The following TACC2 variants were observed in gnomAD, a reference collection of about 807,000 sequenced individuals.
TACC2 encodes the protein transforming acidic coiled-coil containing protein 2.
TACC2 carries 137 observed loss-of-function variants against 227.3 expected under a neutral mutation model. That is an observed-to-expected ratio of 0.60 (90% CI 0.52 to 0.69). The LOEUF is 0.69. Among genes scored for constraint, TACC2 ranks in the 30% least tolerant of loss-of-function variants. The pLI, the probability that TACC2 is intolerant of heterozygous loss-of-function variation, is 0.00. For synonymous variants in TACC2, 1,523 were observed against 1,487.5 expected, an observed-to-expected ratio of 1.02 and a Z score of -0.55; for missense variants, 3,470 against 3,694.4, an observed-to-expected ratio of 0.94 and a Z score of 1.57.
At chr10:122,196,575 C>A (rs2094572847) in intron 8 of TACC2, among the ~76,000 whole-genome samples, 1 of 152,164 alleles carries the variant, frequency 6.6e-6, no homozygotes, top group Admixed American at 6.5e-5. Flanking sequence ...TATGACCAAG[C>A]ATATAAAACT....
chr10:122,182,423 C>T (rs1002990910), intron 7 of TACC2, among the ~76,000 whole-genome samples: 1 of 152,122 alleles, frequency 6.6e-6, no homozygotes, highest in African/African-American at 2.4e-5. Flanking sequence ...GAGCTCACCA[C>T]GATTTCTGAG....
chr10:122,086,848 A>G lies in TACC2; in HGVS notation c.4348A>G (p.Lys1450Glu). Reference sequence around the variant, plus strand: ...CCTCACCAGGCCATTGGGCCCAGAGAAGCTTCTAGATGGGCCTCCAGGAGT... The same window carrying G: ...CCTCACCAGGCCATTGGGCCCAGAGGAGCTTCTAGATGGGCCTCCAGGAGT... ...KDLTRPLGPE[K>E]LLDGPPGVDV... Residue 1450 changes from lysine (K) to glutamate (E), a missense_variant, in exon 4 of 23, where the codon AAG (lysine) becomes GAG (glutamate). Lys to Glu is a moderately conservative substitution (Grantham distance 56). Around this residue, in one of 10 missense-constraint regions of TACC2, gnomAD observed 1,924 missense variants for 1,978.3 expected, o/e 0.97. Coordinates refer to ENST00000369005, the MANE Select transcript of TACC2 (RefSeq NM_206862.4). The G allele has an allele frequency of 1.2e-6, 2 of 1,613,960 alleles. No individual in the cohort carries two copies. The highest frequency in any genetic ancestry group is 1.7e-6 in the Non-Finnish European group (2 of 1,179,988).
At position 122,069,099 on chromosome 10, in the gene TACC2, C is replaced by T. The variant is rs58637670; in HGVS notation, c.147-13548C>T. 5.8e-3 allele frequency among the ~76,000 whole-genome samples: 883 copies of T among 152,236 alleles called. 13 individuals are homozygous for T. The highest frequency in any genetic ancestry group is 0.02 in the African/African-American group (847 of 41,550). ...TATTCTACTCTGGGAACTGCAGCTG[C>T]CTCGGTCTCCCCAGATACACAGCTT... On this transcript the variant is annotated intron_variant, in intron 3 of 22. Transcript: ENST00000369005.
At chr10:122,212,205 G>C (rs901140188) in intron 9 of TACC2, among the ~76,000 whole-genome samples, 5 of 152,244 alleles carry the variant, frequency 3.3e-5, no homozygotes, top group Non-Finnish European at 7.3e-5. Flanking sequence ...AGGAATGAGA[G>C]ATGTGGCCTG....
rs148904467 is a variant in TACC2 at position 122,084,008 on chromosome 10, C to A, written c.1508C>A (p.Thr503Lys). The change falls in exon 4 of 23, where the codon ACG becomes AAG. Residue 503 changes from threonine to lysine, a missense_variant. By Grantham distance (78) the Thr-to-Lys change is moderately conservative. This residue lies in a region of TACC2 where 1,924 missense variants were observed against 1,978.3 expected (regional missense o/e 0.97). Coordinates refer to ENST00000369005, the MANE Select transcript of TACC2 (RefSeq NM_206862.4). ...SPQERGEHLN[T>K]EQSHEVQPGV... is the part of the protein sequence containing the mutation. Reference sequence around the variant, plus strand: ...CAGGAGAGGGGAGAGCACTTGAACACGGAGCAAAGCCATGAGGTCCAACCA... The same window carrying A: ...CAGGAGAGGGGAGAGCACTTGAACAAGGAGCAAAGCCATGAGGTCCAACCA... 1.2e-6 allele frequency: 2 copies of A among 1,613,946 alleles called. No homozygotes were observed. The highest frequency in any genetic ancestry group is 1.3e-5 in the African/African-American group (1 of 74,902).
intron 7 of TACC2, among the ~76,000 whole-genome samples, chr10:122,181,350 A>C (rs1284799256): frequency 6.6e-6 from 1 of 152,200 alleles, no homozygotes; most frequent in Non-Finnish European, 1.5e-5. Flanking sequence ...TACTGGGAGC[A>C]TGGCCGTGCT....
chr10:122,028,084 C>CTTTTTTTTTTTTTTTT lies in TACC2; in HGVS notation c.33+6076_33+6091dup, dbSNP rs59135261. Among the ~76,000 whole-genome samples the CTTTTTTTTTTTTTTTT allele has an allele frequency of 1.4e-4, 13 of 91,732 alleles. 1 individual carries two copies. The highest frequency in any genetic ancestry group is 3.6e-4 in the East Asian group (1 of 2,758). The allele number at this position is 91,732 out of a possible 152,430, so 60.2% of individuals were successfully genotyped here. A position where few individuals can be genotyped will look rare whatever the true frequency, so the allele number is the denominator to read the frequency against. On this transcript the variant is annotated intron_variant, in intron 2 of 22. Coordinates refer to ENST00000369005, the MANE Select transcript of TACC2 (RefSeq NM_206862.4). ...TTTTTTCTTTTTTCTTTCTTTCTTT[C>CTTTTTTTTTTTTTTTT]TTTTTTTTTTTTTTTTTTTTTGAGA... is the stretch of plus-strand genomic sequence containing the variant.
chr10:122,237,250 C>A, intron 16 of TACC2, 145 bp from the exon 17 acceptor site: 1 of 775,502 alleles, frequency 1.3e-6, no homozygotes, highest in South Asian at 2.2e-5. Context: ...TTTCCCTGTT[C>A]ATCAGTCTTT....
chr10:122,086,700 C>G lies in TACC2; in HGVS notation c.4200C>G (p.Ala1400=), dbSNP rs561278421. 209 of 1,613,892 alleles carry G rather than the reference C, an allele frequency of 1.3e-4. No homozygotes were observed. Among genetic ancestry groups the G allele is most frequent in the Middle Eastern group, 3.3e-4 (2 of 6,056 alleles). Reference sequence around the variant, plus strand: ...TGGACACAAGCTCTGAGCAAATCGCCACCCTCACTGGCTTCCCAGACTTCA... The same window carrying G: ...TGGACACAAGCTCTGAGCAAATCGCGACCCTCACTGGCTTCCCAGACTTCA... ...GGVDTSSEQI[A]TLTGFPDFRE... is the part of the protein sequence containing the mutation. Residue 1400 remains alanine (A), a synonymous_variant, in exon 4 of 23, where the codon GCC becomes GCG. Transcript: ENST00000369005.
At chr10:122,242,189 C>T (rs527551592) in intron 19 of TACC2, among the ~76,000 whole-genome samples, 188 bp downstream of exon 19, 1 of 152,306 alleles carries the variant, frequency 6.6e-6, no homozygotes, top group East Asian at 1.9e-4. Context: ...GTAACACCCC[C>T]CTGAACTGTG....
At chr10:122,048,411 C>T (rs1303755814) in intron 2 of TACC2, among the ~76,000 whole-genome samples, 8 of 130,154 alleles carry the variant, frequency 6.1e-5, no homozygotes, top group African/African-American at 2.1e-4. Context: ...CTTCCTCCCT[C>T]CCTCCCTTCC....
At chr10:122,238,780 T>A (rs1325758072) in intron 18 of TACC2, among the ~76,000 whole-genome samples, 6 of 151,988 alleles carry the variant, frequency 3.9e-5, no homozygotes, top group Non-Finnish European at 5.9e-5. Context: ...AATAGCATAT[T>A]TTTGACGTAT....
chr10:122,232,578 A>G (rs973881295), intron 16 of TACC2, among the ~76,000 whole-genome samples: 9 of 152,332 alleles, frequency 5.9e-5, no homozygotes, highest in Admixed American at 5.9e-4. Context: ...TCAAAGGAGT[A>G]TTCTGTGACT....
intron 3 of TACC2, among the ~76,000 whole-genome samples, chr10:122,068,185 T>C (rs1041921328): frequency 1.3e-5 from 2 of 152,196 alleles, no homozygotes; most frequent in Non-Finnish European, 2.9e-5. Context: ...GGGTCTTTTT[T>C]ACATCTTCCC....
At chr10:122,069,712 T>A (rs2077818752) in intron 3 of TACC2, among the ~76,000 whole-genome samples, 2 of 152,328 alleles carry the variant, frequency 1.3e-5, no homozygotes, top group South Asian at 4.1e-4. Flanking sequence ...AGTTGCTTTC[T>A]TGGGTTTTAA....
chr10:122,110,968 C>T (rs1457010320), intron 5 of TACC2, among the ~76,000 whole-genome samples: 2 of 152,174 alleles, frequency 1.3e-5, no homozygotes, highest in African/African-American at 4.8e-5. Context: ...TTCTAGAAGC[C>T]ACTCACATTC....
chr10:122,176,077 CT>C (rs2093681631), intron 7 of TACC2, among the ~76,000 whole-genome samples: 5 of 68,494 alleles, frequency 7.3e-5, no homozygotes, highest in Admixed American at 1.8e-4. Context: ...AAAACCTTCT[CT>C]CTCTCTCTCT....
chr10:122,243,007 G>T (rs1340114016), intron 19 of TACC2, among the ~76,000 whole-genome samples: 1 of 152,102 alleles, frequency 6.6e-6, no homozygotes, highest in Non-Finnish European at 1.5e-5. Context: ...GCAGTGGCAC[G>T]ATCTTGGCTC....
At chr10:122,140,687 T>C (rs894829454) in intron 6 of TACC2, among the ~76,000 whole-genome samples, 8 of 152,204 alleles carry the variant, frequency 5.3e-5, no homozygotes, top group African/African-American at 1.7e-4. Flanking sequence ...CCCGACTTCC[T>C]GAGAACAATG....
Sources: allele counts gnomAD v4.1 joint callset (sites outside exome capture counted in the v4.1 genomes callset), GRCh38; gene constraint gnomAD v4.1.1; regional missense constraint gnomAD v4.1.1; transcripts MANE v1.5; gene names NCBI Gene and HGNC (gene_info 2026-07-23, HGNC 2026-07-21).